The following PNPLA1 variants were observed in gnomAD, a reference collection of about 807,000 sequenced individuals.
PNPLA1 encodes the protein patatin like domain 1, omega-hydroxyceramide transacylase.
In PNPLA1, 36 loss-of-function variants were observed where a neutral mutation model predicts 51.7. The ratio of observed to expected loss-of-function variants is 0.70; its 90% CI spans 0.53 to 0.92. PNPLA1 has a LOEUF of 0.92. Ranked by LOEUF, PNPLA1 falls within the 40% of genes least tolerant of loss-of-function variation. PNPLA1 has a pLI of 0.00. For synonymous variants in PNPLA1, 293 were observed against 280.1 expected (o/e 1.05, Z -0.46); for missense variants, 658 against 682.5 (o/e 0.96, Z 0.40).
chr6:36,310,066 CTG>C (rs989484095), intron 8 of PNPLA1, among the ~76,000 whole-genome samples: 2 of 152,200 alleles, frequency 1.3e-5, no homozygotes, highest in African/African-American at 4.8e-5. Flanking sequence ...CTGATGCAAA[CTG>C]TATTAGTCAG....
At chr6:36,275,721 T>C (rs1358054530) in intron 1 of PNPLA1, among the ~76,000 whole-genome samples, 13 of 152,200 alleles carry the variant, frequency 8.5e-5, no homozygotes, top group African/African-American at 2.9e-4. Flanking sequence ...TTTTTCTTCT[T>C]CAAATATTGC....
At chr6:36,297,940 A>G (rs1366122097) in intron 5 of PNPLA1, among the ~76,000 whole-genome samples, 2 of 151,674 alleles carry the variant, frequency 1.3e-5, no homozygotes, top group African/African-American at 4.9e-5. Context: ...GTCATCCCCA[A>G]AATTTCCTCA....
intron 1 of PNPLA1, among the ~76,000 whole-genome samples, chr6:36,253,902 C>T (rs1029033531): frequency 1.3e-5 from 2 of 152,178 alleles, no homozygotes; most frequent in African/African-American, 2.4e-5. Flanking sequence ...ACGTGTCTTT[C>T]GGCTGTATTC....
At chr6:36,305,907 C>T (rs1771218566) in intron 6 of PNPLA1, among the ~76,000 whole-genome samples, 1 of 151,580 alleles carries the variant, frequency 6.6e-6, no homozygotes, top group African/African-American at 2.4e-5. Flanking sequence ...GCATGCACTA[C>T]AACACCCAGC....
At chr6:36,299,421 A>G (rs557233141) in intron 5 of PNPLA1, among the ~76,000 whole-genome samples, 1 of 141,866 alleles carries the variant, frequency 7.0e-6, no homozygotes, top group East Asian at 2.1e-4. Flanking sequence ...TGCAAGCTCC[A>G]CCTCCTGGGT....
chr6:36,278,896 A>T (rs1183470353), intron 1 of PNPLA1, among the ~76,000 whole-genome samples: 1 of 152,198 alleles, frequency 6.6e-6, no homozygotes, highest in African/African-American at 2.4e-5. Context: ...AAATTAAACC[A>T]TAGAAAATTA....
intron 1 of PNPLA1, among the ~76,000 whole-genome samples, chr6:36,286,248 G>A (rs769633395): frequency 6.6e-6 from 1 of 152,212 alleles, no homozygotes; most frequent in Admixed American, 6.5e-5. Flanking sequence ...AGCATGTGGT[G>A]AAGCTGGGAT....
intron 1 of PNPLA1, among the ~76,000 whole-genome samples, chr6:36,290,677 G>A (rs1770647204): frequency 1.3e-5 from 2 of 152,182 alleles, no homozygotes; most frequent in Admixed American, 1.3e-4. Flanking sequence ...TGCCCACTGA[G>A]CAAATGGCAC....
intron 1 of PNPLA1, among the ~76,000 whole-genome samples, chr6:36,257,814 C>T (rs753050551): frequency 6.6e-6 from 1 of 152,180 alleles, no homozygotes; most frequent in African/African-American, 2.4e-5. Context: ...TAATGTCAAG[C>T]ATCTTTGAAC....
chr6:36,288,540 C>G (rs1483548123), intron 1 of PNPLA1, among the ~76,000 whole-genome samples: 1 of 151,428 alleles, frequency 6.6e-6, no homozygotes, highest in Non-Finnish European at 1.5e-5. Context: ...GCAAGCTCCG[C>G]TTCCCGGGTT....
chr6:36,286,495 G>T (rs1770491542), intron 1 of PNPLA1, among the ~76,000 whole-genome samples: 1 of 151,988 alleles, frequency 6.6e-6, no homozygotes, highest in Non-Finnish European at 1.5e-5. Flanking sequence ...ACATGCTGTA[G>T]TTCCAGCTAC....
chr6:36,270,412 G>A lies in PNPLA1; in HGVS notation c.-48G>A, dbSNP rs1368951416. ...CGGCAGCCCAGGCTCGGGCAGGCAA[G>A]TGCTGAAGGGTGGCTCCGCCTTCCG... On this transcript the variant is annotated 5_prime_UTR_variant, in exon 1 of 9. In the 5' UTR this introduces an upstream ATG that the reference lacks. Transcript: ENST00000636260. 1 of 1,542,994 alleles carries A rather than the reference G, an allele frequency of 6.5e-7. No homozygotes were observed. Among genetic ancestry groups the A allele is most frequent in the South Asian group, 1.2e-5 (1 of 83,702 alleles).
rs1440302323 is a variant in PNPLA1 at position 36,302,037 on chromosome 6, G to T, written c.952G>T (p.Gly318Trp). 29 of 1,614,230 alleles carry T rather than the reference G, an allele frequency of 1.8e-5. No homozygotes were observed. The highest frequency in any genetic ancestry group is 2.4e-5 in the Non-Finnish European group (28 of 1,180,046). ...TQPHKEWVPK[G>W]DGRGSHGPPV... The stretch of plus-strand genomic sequence containing the variant: ...ACCTCACAAGGAGTGGGTTCCCAAA[G>T]GGGATGGAAGGGGCAGCCATGGTCC... The change falls in exon 6 of 9, where the codon GGG becomes TGG. Residue 318 changes from glycine (G) to tryptophan (W), a missense_variant. Coordinates refer to ENST00000636260, the MANE Select transcript of PNPLA1 (RefSeq NM_001374623.1).
chr6:36,287,224 A>G (rs1295213767), intron 1 of PNPLA1, among the ~76,000 whole-genome samples: 1 of 152,208 alleles, frequency 6.6e-6, no homozygotes, highest in African/African-American at 2.4e-5. Flanking sequence ...TGGGCATAGA[A>G]TATGGCCCAT....
At chr6:36,287,915 T>TACA (rs1770551155) in intron 1 of PNPLA1, among the ~76,000 whole-genome samples, 1 of 152,234 alleles carries the variant, frequency 6.6e-6, no homozygotes, top group South Asian at 2.1e-4. Flanking sequence ...CCTCCCAGGC[T>TACA]ACATGACTGG....
intron 3 of PNPLA1, 70 bp downstream of exon 3, chr6:36,293,196 G>T (rs894031537): frequency 1.4e-6 from 2 of 1,427,332 alleles, no homozygotes; most frequent in South Asian, 1.2e-5. Context: ...ACTCACACCT[G>T]GGGGAGCAGG....
chr6:36,248,895 G>T (rs369886430), intron 1 of PNPLA1, among the ~76,000 whole-genome samples: 17 of 152,158 alleles, frequency 1.1e-4, no homozygotes, highest in Non-Finnish European at 1.8e-4. Flanking sequence ...TCTGAAAAAG[G>T]GGGGGTGTGG....
chr6:36,281,548 A>C (rs963655984), intron 1 of PNPLA1, among the ~76,000 whole-genome samples: 1 of 152,186 alleles, frequency 6.6e-6, no homozygotes, highest in African/African-American at 2.4e-5. Flanking sequence ...GGAAACAGGG[A>C]TTTAGAGAGA....
chr6:36,291,505 G>T lies in PNPLA1; in HGVS notation c.391G>T (p.Glu131Ter), dbSNP rs1561864453. 2 of 1,372,252 alleles carry T rather than the reference G, an allele frequency of 1.5e-6. No homozygotes were observed. The highest frequency in any genetic ancestry group is 1.9e-6 in the Non-Finnish European group (2 of 1,027,678). The allele number at this position is 1,372,252 out of a possible 1,614,324, so 85.0% of individuals were successfully genotyped here. A position where few individuals can be genotyped will look rare whatever the true frequency, so the allele number is the denominator to read the frequency against. The change falls in exon 2 of 9, where the codon GAG becomes TAG. Residue 131 changes from glutamate (E) to a stop codon, truncating the protein, a stop_gained. Coordinates refer to ENST00000636260, the MANE Select transcript of PNPLA1 (RefSeq NM_001374623.1). LOFTEE classifies it high-confidence loss of function. ...GAGCCTCACCCGCTTAACGGACGGG[G>T]AGAATGTGGTGGTTTCAGAGTTCAC... ...HVSLTRLTDG[E>*]NVVVSEFTSK...
Sources: allele counts gnomAD v4.1 joint callset (sites outside exome capture counted in the v4.1 genomes callset), GRCh38; gene constraint gnomAD v4.1.1; transcripts MANE v1.5; gene names NCBI Gene and HGNC (gene_info 2026-07-23, HGNC 2026-07-21).